The following FAM78B variants were observed in gnomAD, a reference collection of about 807,000 sequenced individuals.
The protein encoded by FAM78B is protein FAM78B.
A neutral mutation model predicts 20.0 loss-of-function variants in FAM78B; 10 were observed. The observed-to-expected ratio is 0.50, with a 90% CI of 0.31 to 0.85. The LOEUF (loss-of-function observed/expected upper bound fraction) is 0.85, where lower values mean the gene tolerates loss of function less well. Among genes scored for constraint, FAM78B ranks in the 40% least tolerant of loss-of-function variants. The pLI is 0.05. For synonymous variants in FAM78B, 135 were observed against 132.8 expected (o/e 1.02, Z -0.12); for missense variants, 283 against 345.0 (o/e 0.82, Z 1.42).
rs143944563 is a variant in FAM78B at position 166,118,910 on chromosome 1, C to G, written c.263+47076G>C. On this transcript the variant is annotated intron_variant, in intron 1 of 1. Coordinates refer to ENST00000354422, the MANE Select transcript of FAM78B (RefSeq NM_001017961.5). ...TCCTCTGCTGATGTGCACCTCTTCA[C>G]GCCATTCCATTTTGTCATTTTGCAG... is the stretch of plus-strand genomic sequence containing the variant. Among the ~76,000 whole-genome samples the G allele has an allele frequency of 3.3e-3, 508 of 152,248 alleles. 3 individuals carry two copies. The highest frequency in any genetic ancestry group is 0.012 in the African/African-American group (481 of 41,540).
Position 166,070,476 on chromosome 1 carries a change from ATCT to A in FAM78B, c.548_550del (p.Lys183del). On this transcript the variant is annotated inframe_deletion, in exon 2 of 2. Coordinates refer to ENST00000354422, the MANE Select transcript of FAM78B (RefSeq NM_001017961.5). ...CCTCCACTTGATGGTCTGCAGAATG[ATCT>A]TCTCCTTTGTGGTGGTGTTCATGGC... is the stretch of plus-strand genomic sequence containing the variant. 1 of 1,614,168 alleles carries A rather than the reference ATCT, an allele frequency of 6.2e-7. No homozygotes were observed. Among genetic ancestry groups the A allele is most frequent in the Non-Finnish European group, 8.5e-7 (1 of 1,180,020 alleles).
intron 1 of FAM78B, among the ~76,000 whole-genome samples, chr1:166,136,097 T>C (rs1446410331): frequency 1.3e-5 from 2 of 152,212 alleles, no homozygotes; most frequent in Non-Finnish European, 2.9e-5. Flanking sequence ...ATGAGTATTC[T>C]AGGTGGGCTA....
chr1:166,136,435 C>T (rs949446123), intron 1 of FAM78B, among the ~76,000 whole-genome samples: 3 of 152,236 alleles, frequency 2.0e-5, no homozygotes, highest in Admixed American at 2.0e-4. Context: ...GGATCAGTGA[C>T]GTAGGTAACA....
rs964145589 is a variant in FAM78B at position 166,070,055 on chromosome 1, A to G, written c.*186T>C. On this transcript the variant is annotated 3_prime_UTR_variant, in exon 2 of 2. Transcript: ENST00000354422. The stretch of plus-strand genomic sequence containing the variant: ...ATTTCTTTATTCCTAAGAGGAAGGG[A>G]TTTTTCCTAAGGATTATGGTTCTAC... 7.9e-6 allele frequency: 10 copies of G among 1,265,934 alleles called. No homozygotes were observed. In the African/African-American group the frequency reaches 1.5e-4, roughly 19 times the overall value. 78.4% of individuals were successfully genotyped at this position (1,265,934 alleles called of 1,614,324 possible).
exon 3 of FAM78B, chr1:166,060,167 C>T: frequency 5.4e-6 from 1 of 185,162 alleles, no homozygotes; most frequent in South Asian, 1.1e-4. Flanking sequence ...AGAGAGGCCA[C>T]CCACATGGAG....
intron 1 of FAM78B, among the ~76,000 whole-genome samples, chr1:166,158,860 A>T (rs572505043): frequency 6.6e-6 from 1 of 152,358 alleles, no homozygotes; most frequent in East Asian, 1.9e-4. Context: ...CTTCTTTGTA[A>T]GTATTCACCA....
rs1652336821 is a variant in FAM78B at position 166,077,690 on chromosome 1, A to C, written c.264-6927T>G. On this transcript the variant is annotated intron_variant, in intron 1 of 1. Coordinates refer to ENST00000354422, the MANE Select transcript of FAM78B (RefSeq NM_001017961.5). The stretch of plus-strand genomic sequence containing the variant: ...ACATATAATTATATATTTATATATA[A>C]ATTATATATAATAAATACATATAAT... 3.0e-5 allele frequency among the ~76,000 whole-genome samples: 4 copies of C among 132,542 alleles called. No individual in the cohort carries two copies. The South Asian group carries it at 8.5e-4, about 28-fold the overall frequency. 87.0% of individuals were successfully genotyped at this position (132,542 alleles called of 152,430 possible). A position where few individuals can be genotyped will look rare whatever the true frequency, so the allele number is the denominator to read the frequency against.
intron 1 of FAM78B, among the ~76,000 whole-genome samples, chr1:166,105,096 C>A (rs10918354): frequency 0.2 from 29,622 of 151,888 alleles, 3,282 homozygotes; most frequent in East Asian, 0.38. Flanking sequence ...CAAAAACAAG[C>A]AATGGGGAAA....
At chr1:166,155,431 G>A (rs963046415) in intron 1 of FAM78B, among the ~76,000 whole-genome samples, 10 of 152,148 alleles carry the variant, frequency 6.6e-5, no homozygotes, top group African/African-American at 2.2e-4. Context: ...TACAGACAGT[G>A]CATCTAAAGC....
At chr1:166,146,411 C>G (rs1655456813) in intron 1 of FAM78B, among the ~76,000 whole-genome samples, 1 of 152,180 alleles carries the variant, frequency 6.6e-6, no homozygotes, top group South Asian at 2.1e-4. Flanking sequence ...AAAGCTGGTA[C>G]TTGATAAAAT....
chr1:166,084,275 T>C (rs534310439), intron 1 of FAM78B, among the ~76,000 whole-genome samples: 2 of 152,026 alleles, frequency 1.3e-5, no homozygotes, highest in South Asian at 2.1e-4. Flanking sequence ...TTTCTCTCTC[T>C]CTCTTTGCAT....
At chr1:166,099,290 C>T (rs565244552) in intron 1 of FAM78B, among the ~76,000 whole-genome samples, 47 of 152,240 alleles carry the variant, frequency 3.1e-4, no homozygotes, top group Non-Finnish European at 5.7e-4. Context: ...CAAAACAGAA[C>T]CTCTTTAAGG....
intron 1 of FAM78B, among the ~76,000 whole-genome samples, chr1:166,078,519 G>T (rs1015710103): frequency 6.6e-6 from 1 of 152,212 alleles, no homozygotes; most frequent in African/African-American, 2.4e-5. Flanking sequence ...ATTTTTAGAA[G>T]AAAGAGGTAA....
chr1:166,131,827 G>A (rs1054501855), intron 1 of FAM78B, among the ~76,000 whole-genome samples: 8 of 152,220 alleles, frequency 5.3e-5, no homozygotes, highest in African/African-American at 1.9e-4. Flanking sequence ...CCCAGCGGCA[G>A]GGCTGTCTAG....
chr1:166,099,825 G>A (rs750511609), intron 1 of FAM78B, among the ~76,000 whole-genome samples: 2 of 152,164 alleles, frequency 1.3e-5, no homozygotes, highest in Non-Finnish European at 2.9e-5. Flanking sequence ...CACAATAATG[G>A]TAGGGGACTT....
chr1:166,125,892 C>T (rs1350981213), intron 1 of FAM78B, among the ~76,000 whole-genome samples: 7 of 138,048 alleles, frequency 5.1e-5, no homozygotes, highest in Admixed American at 1.6e-4. Context: ...AGTGCAGTGG[C>T]GCGATCTCAG....
chr1:166,136,058 AC>A (rs1655051681), intron 1 of FAM78B, among the ~76,000 whole-genome samples: 1 of 152,120 alleles, frequency 6.6e-6, no homozygotes, highest in Admixed American at 6.5e-5. Flanking sequence ...CTTTTTTCAA[AC>A]AGTTCTTTTA....
intron 1 of FAM78B, among the ~76,000 whole-genome samples, chr1:166,123,378 C>T (rs1654530834): frequency 6.6e-6 from 1 of 152,248 alleles, no homozygotes; most frequent in Admixed American, 6.5e-5. Flanking sequence ...CCCTCTTCTC[C>T]ATTCCTACTT....
chr1:166,086,172 C>T (rs1291657934), intron 1 of FAM78B, among the ~76,000 whole-genome samples: 1 of 150,234 alleles, frequency 6.7e-6, no homozygotes, highest in Non-Finnish European at 1.5e-5. Flanking sequence ...ACAAACTTAA[C>T]TCTGGCCTCT....
Sources: allele counts gnomAD v4.1 joint callset (sites outside exome capture counted in the v4.1 genomes callset), GRCh38; gene constraint gnomAD v4.1.1; transcripts MANE v1.5; gene names NCBI Gene and HGNC (gene_info 2026-07-23, HGNC 2026-07-21).